The following CDH12 variants were observed in gnomAD, a reference collection of about 807,000 sequenced individuals.
The protein encoded by CDH12 is cadherin-12.
Under a neutral mutation model 74.1 loss-of-function variants are expected in CDH12, and 41 were observed. The ratio of observed to expected loss-of-function variants is 0.55; its 90% confidence interval spans 0.43 to 0.72. The LOEUF is 0.72. Among genes scored for constraint, CDH12 ranks in the 30% least tolerant of loss-of-function variants. The pLI, the probability that CDH12 is intolerant of heterozygous loss-of-function variation, is 0.00. For synonymous variants in CDH12, 399 were observed against 355.0 expected (o/e 1.12, Z -1.39); for missense variants, 945 against 977.2 (o/e 0.97, Z 0.44).
intron 3 of CDH12, among the ~76,000 whole-genome samples, chr5:22,288,958 T>G (rs1186440464): frequency 2.6e-5 from 4 of 152,120 alleles, no homozygotes; most frequent in Non-Finnish European, 1.5e-5. Context: ...GCGAAAGGAT[T>G]GCTTGAGCAC....
intron 6 of CDH12, among the ~76,000 whole-genome samples, chr5:21,895,928 T>C (rs1256928479): frequency 6.6e-6 from 1 of 152,156 alleles, no homozygotes; most frequent in African/African-American, 2.4e-5. Flanking sequence ...TTCATCAGTG[T>C]GTGGCTCTTG....
At chr5:22,801,051 C>T (rs1748485213) in intron 1 of CDH12, among the ~76,000 whole-genome samples, 1 of 152,118 alleles carries the variant, frequency 6.6e-6, no homozygotes. Flanking sequence ...ATCTCCTTTG[C>T]ATAAATACCA....
rs545475183 is a variant in CDH12, at chr5:21,938,723, C to CATATATATATATATATATATATATAT, written c.526+36342_526+36367dup. Reference sequence around the variant, plus strand: ...TATAATATTTTATATATATAATATACATATATATATATATATATATATATA... The same window carrying CATATATATATATATATATATATATAT: ...TATAATATTTTATATATATAATATACATATATATATATATATATATATATATATATATATATATATATATATATATA... On this transcript the variant is annotated intron_variant, in intron 6 of 14. Coordinates refer to ENST00000382254, the MANE Select transcript of CDH12 (RefSeq NM_004061.5). Among the ~76,000 whole-genome samples, 35 of 112,022 alleles carry CATATATATATATATATATATATATAT rather than the reference C, an allele frequency of 3.1e-4. 1 individual carries two copies. The highest frequency in any genetic ancestry group is 6.8e-4 in the African/African-American group (17 of 25,138). 73.5% of individuals were successfully genotyped at this position (112,022 alleles called of 152,430 possible).
intron 4 of CDH12, among the ~76,000 whole-genome samples, chr5:22,156,195 ATCAGAAG>A (rs1457191382): frequency 6.6e-6 from 1 of 152,176 alleles, no homozygotes; most frequent in Non-Finnish European, 1.5e-5. Flanking sequence ...TACATGTCTC[ATCAGAAG>A]TCAGTTTCTA....
intron 5 of CDH12, among the ~76,000 whole-genome samples, chr5:22,065,742 G>A (rs1180339877): frequency 6.6e-6 from 1 of 152,094 alleles, no homozygotes; most frequent in Non-Finnish European, 1.5e-5. Context: ...TGCTGAATTG[G>A]GAAATGTAAA....
chr5:22,264,434 TA>T (rs1261739246), intron 3 of CDH12, among the ~76,000 whole-genome samples: 1 of 152,222 alleles, frequency 6.6e-6, no homozygotes, highest in African/African-American at 2.4e-5. Flanking sequence ...CATTCTATAT[TA>T]TTTTTAGTAG....
intron 2 of CDH12, among the ~76,000 whole-genome samples, chr5:22,439,585 C>T (rs11960255): frequency 6.6e-6 from 1 of 151,744 alleles, no homozygotes; most frequent in Non-Finnish European, 1.5e-5. Context: ...AGACCTAAGT[C>T]CTGATCCTGC....
At chr5:22,163,054 G>T (rs1483206575) in intron 4 of CDH12, among the ~76,000 whole-genome samples, 1 of 151,818 alleles carries the variant, frequency 6.6e-6, no homozygotes, top group Admixed American at 6.6e-5. Context: ...CCGTCACCGC[G>T]CCCGGCTAAT....
intron 4 of CDH12, among the ~76,000 whole-genome samples, chr5:22,170,338 A>G (rs574617797): frequency 3.3e-5 from 5 of 152,030 alleles, no homozygotes; most frequent in Non-Finnish European, 5.9e-5. Context: ...AATGTATTGA[A>G]TAATTCAACT....
At chr5:21,872,255 G>A (rs940683532) in intron 6 of CDH12, among the ~76,000 whole-genome samples, 3 of 152,062 alleles carry the variant, frequency 2.0e-5, no homozygotes, top group South Asian at 2.1e-4. Flanking sequence ...GCACTCTAAC[G>A]TTATAAAACC....
chr5:22,222,508 T>C (rs1301944107), intron 3 of CDH12, among the ~76,000 whole-genome samples: 1 of 152,004 alleles, frequency 6.6e-6, no homozygotes, highest in African/African-American at 2.4e-5. Flanking sequence ...TCTCACTGAA[T>C]TTGTACTCTT....
At chr5:21,768,693 A>C (rs1745158215) in intron 11 of CDH12, among the ~76,000 whole-genome samples, 1 of 152,036 alleles carries the variant, frequency 6.6e-6, no homozygotes, top group African/African-American at 2.4e-5. Flanking sequence ...AGGTGGCTTC[A>C]TGAGGAATTC....
At chr5:22,396,863 G>A (rs376138404) in intron 3 of CDH12, among the ~76,000 whole-genome samples, 1 of 152,054 alleles carries the variant, frequency 6.6e-6, no homozygotes, top group Admixed American at 6.6e-5. Context: ...CTCTCCTACT[G>A]TCTGTCGTAC....
At chr5:22,663,854 T>C (rs1740470747) in intron 1 of CDH12, among the ~76,000 whole-genome samples, 1 of 152,096 alleles carries the variant, frequency 6.6e-6, no homozygotes, top group Admixed American at 6.6e-5. Context: ...CTCAAAGTAA[T>C]TGATTAGTTA....
At chr5:22,176,075 G>A (rs1005534475) in intron 4 of CDH12, among the ~76,000 whole-genome samples, 4 of 152,018 alleles carry the variant, frequency 2.6e-5, no homozygotes, top group African/African-American at 9.7e-5. Flanking sequence ...TGAGCAACTG[G>A]GCTCATTTGA....
intron 1 of CDH12, among the ~76,000 whole-genome samples, chr5:22,661,208 C>T (rs530364321): frequency 2.6e-5 from 4 of 152,260 alleles, no homozygotes; most frequent in African/African-American, 9.6e-5. Context: ...CAGAGTCTTC[C>T]ACCACTTAAT....
chr5:21,814,172 T>C (rs1747913384), intron 9 of CDH12, among the ~76,000 whole-genome samples: 1 of 151,472 alleles, frequency 6.6e-6, no homozygotes. Flanking sequence ...TGTGTGTGTG[T>C]GTGTGTGTGT....
intron 5 of CDH12, among the ~76,000 whole-genome samples, chr5:21,989,924 C>CAAT (rs749774298): frequency 3.6e-4 from 54 of 152,112 alleles, no homozygotes; most frequent in Non-Finnish European, 4.6e-4. Context: ...GAGATGTGTT[C>CAAT]AATTCACAAT....
intron 1 of CDH12, among the ~76,000 whole-genome samples, chr5:22,587,842 GT>G (rs1462411969): frequency 6.7e-6 from 1 of 148,306 alleles, no homozygotes; most frequent in Non-Finnish European, 1.5e-5. Context: ...AACTTTTTTG[GT>G]GGAGATATAT....
Sources: gnomAD v4.1 joint callset for allele counts (sites outside exome capture counted in the v4.1 genomes callset) on GRCh38, gnomAD v4.1.1 for gene constraint, MANE v1.5 for transcripts, NCBI Gene and HGNC (gene_info 2026-07-23, HGNC 2026-07-21) for gene names.